PDE3B: variants seen among roughly 807,000 people sequenced by gnomAD.
PDE3B encodes the protein phosphodiesterase 3B, also known as cGMP-inhibited 3',5'-cyclic phosphodiesterase 3B.
PDE3B carries 66 observed loss-of-function variants against 116.8 expected under a neutral mutation model. The observed-to-expected ratio is 0.56, with a 90% CI of 0.46 to 0.69. The LOEUF is 0.69. Among genes scored for constraint, PDE3B ranks in the 30% least tolerant of loss-of-function variants. The pLI, the probability that PDE3B is intolerant of heterozygous loss-of-function variation, is 0.00. For missense variants in PDE3B, 1,384 were observed against 1,368.1 expected (o/e 1.01, Z -0.18); for synonymous variants, 595 against 533.6 (o/e 1.12, Z -1.59).
In PDE3B at chr11:14,786,474, T is replaced by C; in HGVS notation, c.1067T>C (p.Leu356Pro). 6.2e-7 allele frequency: 1 copy of C among 1,612,626 alleles called. No individual in the cohort carries two copies. Among genetic ancestry groups the C allele is most frequent in the Non-Finnish European group, 8.5e-7 (1 of 1,178,806 alleles). The change falls in exon 3 of 16, where the codon CTA becomes CCA. Residue 356 changes from leucine (L) to proline (P), a missense_variant. Coordinates refer to ENST00000282096, the MANE Select transcript of PDE3B (RefSeq NM_000922.4). ...GGAAATGGAGTTGATCTTTCAGTGCTAAATGAGGCTCGCAATATGGTGTCA... is the reference window on the plus strand; with the variant it reads ...GGAAATGGAGTTGATCTTTCAGTGCCAAATGAGGCTCGCAATATGGTGTCA... The part of the protein sequence containing the change: ...GGGNGVDLSV[L>P]NEARNMVSDL...
chr11:14,882,319 C>T, the PDE3B span, among the ~76,000 whole-genome samples: 1 of 152,180 alleles, frequency 6.6e-6, no homozygotes, highest in African/African-American at 2.4e-5. Flanking sequence ...CAGCAAAATG[C>T]TCACTGAGAA....
chr11:14,739,722 T>C (rs949178908), intron 1 of PDE3B, among the ~76,000 whole-genome samples: 21 of 152,228 alleles, frequency 1.4e-4, no homozygotes, highest in Non-Finnish European at 2.9e-4. Context: ...CCATTCAGTA[T>C]GATATTGGCT....
At chr11:14,808,319 A>C (rs780592239) in intron 5 of PDE3B, among the ~76,000 whole-genome samples, 1 of 152,204 alleles carries the variant, frequency 6.6e-6, no homozygotes, top group Non-Finnish European at 1.5e-5. Flanking sequence ...TTGGTGTTGG[A>C]GGGATCTGAT....
At chr11:14,688,108 TC>T (rs1854930310) in intron 1 of PDE3B, among the ~76,000 whole-genome samples, 13 of 138,804 alleles carry the variant, frequency 9.4e-5, no homozygotes, top group Admixed American at 6.5e-4. Flanking sequence ...TCTCTCTCTC[TC>T]TCTTTCTCTC....
chr11:14,694,905 G>A (rs1855157139), intron 1 of PDE3B, among the ~76,000 whole-genome samples: 1 of 152,062 alleles, frequency 6.6e-6, no homozygotes, highest in South Asian at 2.1e-4. Context: ...TTTAAATTGA[G>A]GCACATGCAT....
chr11:14,838,452 G>T (rs1020888837), intron 11 of PDE3B, among the ~76,000 whole-genome samples: 16 of 152,108 alleles, frequency 1.1e-4, no homozygotes, highest in Non-Finnish European at 1.6e-4. Flanking sequence ...ATCAAAAAGA[G>T]ATCATTTGGA....
chr11:14,757,665 G>A (rs1857233330), intron 1 of PDE3B, among the ~76,000 whole-genome samples: 1 of 105,846 alleles, frequency 9.4e-6, no homozygotes, highest in Non-Finnish European at 1.9e-5. Context: ...TTTTTTTCTT[G>A]TAAATTTGTT....
At chr11:14,880,724 G>A in the PDE3B span, 22 of 1,602,506 alleles carry the variant, frequency 1.4e-5, no homozygotes, top group African/African-American at 9.5e-5. Flanking sequence ...ACAGCTAATC[G>A]TCTGTGATCA....
chr11:14,778,165 C>A (rs1242000153), intron 2 of PDE3B, among the ~76,000 whole-genome samples: 2 of 152,174 alleles, frequency 1.3e-5, no homozygotes, highest in Admixed American at 1.3e-4. Flanking sequence ...CAAAGCAGCC[C>A]TGAAGCTCAA....
At chr11:14,795,965 C>G (rs373393101) in intron 4 of PDE3B, among the ~76,000 whole-genome samples, 53 of 152,020 alleles carry the variant, frequency 3.5e-4, no homozygotes, top group African/African-American at 1.2e-3. Context: ...CATGGTGGTT[C>G]ACTGCACCCA....
At chr11:14,728,041 A>T (rs1369523119) in intron 1 of PDE3B, among the ~76,000 whole-genome samples, 2 of 152,110 alleles carry the variant, frequency 1.3e-5, no homozygotes, top group East Asian at 3.8e-4. Flanking sequence ...TTTATCTATT[A>T]TAGAAAGATC....
intron 12 of PDE3B, among the ~76,000 whole-genome samples, chr11:14,847,491 A>C (rs1282690043): frequency 6.6e-6 from 1 of 151,638 alleles, no homozygotes; most frequent in African/African-American, 2.4e-5. Context: ...AACTAAAATC[A>C]GAGCAGAACT....
At chr11:14,667,466 A>T (rs1854205232) in intron 1 of PDE3B, among the ~76,000 whole-genome samples, 1 of 151,396 alleles carries the variant, frequency 6.6e-6, no homozygotes, top group Non-Finnish European at 1.5e-5. Context: ...AATTAAAAAA[A>T]AGAAAATGTG....
chr11:14,872,721 T>A (rs948147749), downstream of PDE3B, among the ~76,000 whole-genome samples: 1 of 152,214 alleles, frequency 6.6e-6, no homozygotes, highest in East Asian at 1.9e-4. Context: ...AATCTTCACA[T>A]ATTCAATTCC....
chr11:14,740,456 A>G (rs1856735792), intron 1 of PDE3B, among the ~76,000 whole-genome samples: 1 of 152,132 alleles, frequency 6.6e-6, no homozygotes, highest in Admixed American at 6.5e-5. Context: ...TATCCCCTGT[A>G]TCATTTTTTA....
chr11:14,758,124 C>T (rs1316722864), intron 1 of PDE3B, among the ~76,000 whole-genome samples: 3 of 151,970 alleles, frequency 2.0e-5, no homozygotes, highest in South Asian at 2.1e-4. Flanking sequence ...AGATATGTGG[C>T]GTTATTTCTG....
At chr11:14,662,788 C>T (rs1227930425) in intron 1 of PDE3B, among the ~76,000 whole-genome samples, 5 of 152,144 alleles carry the variant, frequency 3.3e-5, no homozygotes, top group African/African-American at 4.8e-5. Context: ...AACAAAGCCT[C>T]CAAGAAATAT....
At chr11:14,885,757 T>C in the PDE3B span, 1 of 1,610,256 alleles carries the variant, frequency 6.2e-7, no homozygotes, top group South Asian at 1.1e-5. Context: ...AATCACTAAA[T>C]AGGTGCAAAT....
chr11:14,660,901 C>T (rs1853881988), intron 1 of PDE3B, among the ~76,000 whole-genome samples: 1 of 151,952 alleles, frequency 6.6e-6, no homozygotes, highest in African/African-American at 2.4e-5. Context: ...TTTATGCAGC[C>T]AAAAAACACA....
Sources: gnomAD v4.1 joint callset for allele counts (sites outside exome capture counted in the v4.1 genomes callset) on GRCh38, gnomAD v4.1.1 for gene constraint, MANE v1.5 for transcripts, NCBI Gene and HGNC (gene_info 2026-07-23, HGNC 2026-07-21) for gene names.